The following GALNT3 variants were observed in gnomAD, a reference collection of about 807,000 sequenced individuals.
GALNT3 encodes GalNAc transferase 3.
Under a neutral mutation model 69.8 loss-of-function variants are expected in GALNT3, and 51 were observed. The ratio of observed to expected loss-of-function variants is 0.73; its 90% CI spans 0.58 to 0.92. The LOEUF is 0.92. Among genes scored for constraint, GALNT3 ranks in the 40% least tolerant of loss-of-function variants. GALNT3 has a pLI of 0.00. For missense variants in GALNT3, 711 were observed against 760.0 expected (o/e 0.94, Z 0.76); for synonymous variants, 265 against 248.5 (o/e 1.07, Z -0.63).
intron 2 of GALNT3, among the ~76,000 whole-genome samples, chr2:165,769,431 TAATAATAATA>T (rs1370281735): frequency 3.6e-5 from 5 of 140,476 alleles, no homozygotes; most frequent in African/African-American, 1.1e-4. Context: ...ATAATAATAA[TAATAATAATA>T]AATAAATAAA....
chr2:165,774,721 T>C (rs899435694), intron 1 of GALNT3, among the ~76,000 whole-genome samples: 2 of 152,024 alleles, frequency 1.3e-5, no homozygotes, highest in East Asian at 1.9e-4. Flanking sequence ...GTTGATAACA[T>C]AGTAGGCACC....
intron 1 of GALNT3, among the ~76,000 whole-genome samples, chr2:165,778,585 G>A (rs1356513625): frequency 6.6e-6 from 1 of 152,126 alleles, no homozygotes; most frequent in African/African-American, 2.4e-5. Context: ...AGTGTTCAAG[G>A]AAGGGCTCTC....
In GALNT3 at chr2:165,781,182, G is replaced by A. The variant is rs76521485; in HGVS notation, c.-108-10374C>T. Among the ~76,000 whole-genome samples, 953 of 152,218 alleles carry A rather than the reference G, an allele frequency of 6.3e-3. 9 individuals carry two copies. The highest frequency in any genetic ancestry group is 0.022 in the African/African-American group (896 of 41,550). On this transcript the variant is annotated intron_variant, in intron 1 of 10. Coordinates refer to ENST00000392701, the MANE Select transcript of GALNT3 (RefSeq NM_004482.4). ...CTGAAGTGGTAGCATAGCCTGTACT[G>A]CTGGGCTTGCTGCAGAGCCTTCTTC...
At chr2:165,751,595 A>G (rs1340884044) in intron 9 of GALNT3, among the ~76,000 whole-genome samples, 1 of 152,210 alleles carries the variant, frequency 6.6e-6, no homozygotes, top group Non-Finnish European at 1.5e-5. Flanking sequence ...TTTGGTAACA[A>G]AAAAGAGCAC....
At chr2:165,766,585 T>C (rs1688646601) in intron 2 of GALNT3, among the ~76,000 whole-genome samples, 1 of 77,938 alleles carries the variant, frequency 1.3e-5, no homozygotes, top group Non-Finnish European at 3.6e-5. Context: ...GGACATAAAA[T>C]AAAACTGTGT....
At chr2:165,764,330 C>T (rs1161158478) in intron 3 of GALNT3, among the ~76,000 whole-genome samples, 2 of 152,124 alleles carry the variant, frequency 1.3e-5, no homozygotes, top group African/African-American at 4.8e-5. Context: ...TTTAAAACAA[C>T]TCTAGAAATT....
In GALNT3 at chr2:165,783,009, T is replaced by G. The variant is rs376447688; in HGVS notation, c.-109+11006A>C. ...CATTATCTCAGCTGTCAGAAACATC[T>G]GCAAGCCAATGTTTTCTGATACCTC... On this transcript the variant is annotated intron_variant, in intron 1 of 10. Coordinates refer to ENST00000392701, the MANE Select transcript of GALNT3 (RefSeq NM_004482.4). 2.2e-4 allele frequency among the ~76,000 whole-genome samples: 33 copies of G among 152,332 alleles called. 1 individual carries two copies. The highest frequency in any genetic ancestry group is 7.0e-4 in the African/African-American group (29 of 41,590).
intron 9 of GALNT3, 138 bp downstream of exon 9, chr2:165,754,489 T>C: frequency 6.2e-6 from 4 of 642,358 alleles, no homozygotes; most frequent in Non-Finnish European, 1.1e-5. Flanking sequence ...CAATATCAAT[T>C]GCCAAACTCA....
At chr2:165,769,876 C>T (rs1024339700) in intron 2 of GALNT3, among the ~76,000 whole-genome samples, 1 of 152,206 alleles carries the variant, frequency 6.6e-6, no homozygotes, top group Admixed American at 6.5e-5. Flanking sequence ...ATAATTCCCC[C>T]TAAATAGATG....
intron 5 of GALNT3, 149 bp downstream of exon 5, chr2:165,759,187 A>C: frequency 1.4e-6 from 1 of 722,416 alleles, no homozygotes; most frequent in Non-Finnish European, 2.4e-6. Flanking sequence ...GCAAGTACAC[A>C]AATGAATGAC....
rs1574013739 is a variant in GALNT3, at chr2:165,778,956, GGA to G, written c.-108-8150_-108-8149del. On this transcript the variant is annotated intron_variant, in intron 1 of 10. Transcript: ENST00000392701. Reference sequence around the variant, plus strand: ...CCGAGTTTGGCATGTGTGGATCTGAGGAGAGAGTTTGGGGAGCAGTGACTTAG... The same window carrying G: ...CCGAGTTTGGCATGTGTGGATCTGAGGAGAGTTTGGGGAGCAGTGACTTAG... Among the ~76,000 whole-genome samples the G allele has an allele frequency of 1.1e-4, 16 of 152,294 alleles. 1 individual carries two copies. In the South Asian group the frequency reaches 3.3e-3, roughly 32 times the overall value.
chr2:165,781,303 T>C (rs1160292840), intron 1 of GALNT3, among the ~76,000 whole-genome samples: 1 of 152,064 alleles, frequency 6.6e-6, no homozygotes, highest in African/African-American at 2.4e-5. Flanking sequence ...GCCCCCAAAT[T>C]CAAAAATGAC....
At chr2:165,749,637 A>G in intron 10 of GALNT3, 105 bp downstream of exon 10, 2 of 1,010,440 alleles carry the variant, frequency 2.0e-6, no homozygotes, top group Non-Finnish European at 3.1e-6. Flanking sequence ...AGGGAGAGAA[A>G]TTCTGATAGA....
intron 10 of GALNT3, 140 bp downstream of exon 10, chr2:165,749,602 A>G (rs1192748389): frequency 1.3e-5 from 11 of 822,734 alleles, no homozygotes; most frequent in Non-Finnish European, 6.1e-6. Context: ...ACATGGGTAG[A>G]AACACATAAT....
intron 1 of GALNT3, among the ~76,000 whole-genome samples, chr2:165,781,109 C>T (rs1683096789): frequency 6.6e-6 from 1 of 152,148 alleles, no homozygotes; most frequent in Admixed American, 6.5e-5. Flanking sequence ...GAGCATTCCT[C>T]TTTGGCACAG....
rs1037831019 is a variant in GALNT3 at position 165,765,391 on chromosome 2, T to C, written c.516-335A>G. On this transcript the variant is annotated intron_variant, in intron 2 of 10. Coordinates refer to ENST00000392701, the MANE Select transcript of GALNT3 (RefSeq NM_004482.4). ...CCTACAATGAGGCAGCATGTAAAAA[T>C]GACAAACCCTTATAATTGCTCAAAT... 1.4e-4 allele frequency among the ~76,000 whole-genome samples: 21 copies of C among 152,286 alleles called. No homozygotes were observed. The East Asian group carries it at 1.9e-3, about 14-fold the overall frequency.
intron 9 of GALNT3, 112 bp downstream of exon 9, chr2:165,754,515 A>G: frequency 1.3e-6 from 1 of 796,218 alleles, no homozygotes; most frequent in Non-Finnish European, 2.1e-6. Context: ...AAAACATTTC[A>G]CACACAGCTT....
At chr2:165,788,099 C>T (rs558631703) in intron 1 of GALNT3, among the ~76,000 whole-genome samples, 2 of 151,870 alleles carry the variant, frequency 1.3e-5, no homozygotes, top group East Asian at 1.9e-4. Context: ...GAGGCCGAGG[C>T]GGGAGATTCA....
chr2:165,747,728 T>C lies in GALNT3; in HGVS notation c.*1053A>G, dbSNP rs979155589. ...ACAATAGGCGCTTAGAAATTCAGCA[T>C]ACAAAATTCATTTTCCCCCACCTAT... On this transcript the variant is annotated 3_prime_UTR_variant, in exon 11 of 11. Transcript: ENST00000392701. 2.6e-5 allele frequency: 4 copies of C among 156,694 alleles called. No homozygotes were observed. The highest frequency in any genetic ancestry group is 4.2e-5 in the Non-Finnish European group (3 of 70,882). The allele number at this position is 156,694 out of a possible 1,614,324, so 9.7% of individuals were successfully genotyped here.
Sources: allele counts gnomAD v4.1 joint callset (sites outside exome capture counted in the v4.1 genomes callset), GRCh38; gene constraint gnomAD v4.1.1; transcripts MANE v1.5; gene names NCBI Gene and HGNC (gene_info 2026-07-23, HGNC 2026-07-21).